Variants in ESRRG observed in about 807,000 individuals in gnomAD.
ESRRG encodes estrogen related receptor gamma.
ESRRG carries 13 observed loss-of-function variants against 44.0 expected under a neutral mutation model. The ratio of observed to expected loss-of-function variants is 0.30; its 90% CI spans 0.19 to 0.47. The LOEUF is 0.47. ESRRG is among the 20% of genes least tolerant of loss of function. The probability of loss-of-function intolerance (pLI) is 1.00; values close to 1 mark genes in which losing one functional copy is unlikely to be tolerated. For missense variants in ESRRG, 395 were observed against 580.6 expected (o/e 0.68, Z 3.29); for synonymous variants, 215 against 214.6 (o/e 1.00, Z -0.02).
intron 3 of ESRRG, among the ~76,000 whole-genome samples, chr1:216,648,360 G>A (rs959551183): frequency 3.3e-5 from 5 of 152,118 alleles, no homozygotes; most frequent in Admixed American, 6.6e-5. Flanking sequence ...TTTTGCCATC[G>A]AAGTGGGCAT....
intron 2 of ESRRG, among the ~76,000 whole-genome samples, chr1:216,859,269 G>A (rs2096008299): frequency 6.6e-6 from 1 of 152,110 alleles, no homozygotes; most frequent in African/African-American, 2.4e-5. Context: ...AACAAATAAG[G>A]TAAGACCTAT....
chr1:216,949,772 C>A (rs1450344891), intron 1 of ESRRG, among the ~76,000 whole-genome samples: 1 of 151,282 alleles, frequency 6.6e-6, no homozygotes, highest in Non-Finnish European at 1.5e-5. Flanking sequence ...TGATTATTCT[C>A]TTTTACTAGT....
intron 2 of ESRRG, among the ~76,000 whole-genome samples, chr1:216,909,127 C>A (rs2060027215): frequency 6.6e-6 from 1 of 152,090 alleles, no homozygotes; most frequent in Non-Finnish European, 1.5e-5. Flanking sequence ...GAAAATGAGA[C>A]CCAATGGTGT....
intron 1 of ESRRG, among the ~76,000 whole-genome samples, chr1:217,018,536 C>T (rs2079790425): frequency 6.6e-6 from 1 of 152,126 alleles, no homozygotes; most frequent in African/African-American, 2.4e-5. Flanking sequence ...CCTCATTTTG[C>T]TGCTCAGCTC....
At chr1:216,523,789 T>C (rs902338796) in intron 5 of ESRRG, among the ~76,000 whole-genome samples, 1 of 151,614 alleles carries the variant, frequency 6.6e-6, no homozygotes, top group Non-Finnish European at 1.5e-5. Context: ...TAATATCAGT[T>C]AATCATGGCA....
At chr1:216,702,608 CAAAAAAAA>C (rs61361041) in intron 1 of ESRRG, among the ~76,000 whole-genome samples, 1 of 132,352 alleles carries the variant, frequency 7.6e-6, no homozygotes, top group Non-Finnish European at 1.6e-5. Context: ...ACTAAAAATA[CAAAAAAAA>C]AAAAAAGAAA....
chr1:216,649,636 A>G (rs1477487359), intron 3 of ESRRG, among the ~76,000 whole-genome samples: 1 of 152,096 alleles, frequency 6.6e-6, no homozygotes, highest in Non-Finnish European at 1.5e-5. Context: ...ATAAAACTTT[A>G]TTATAACATT....
intron 1 of ESRRG, among the ~76,000 whole-genome samples, chr1:216,947,743 C>G (rs1192494044): frequency 6.6e-6 from 1 of 152,152 alleles, no homozygotes; most frequent in Non-Finnish European, 1.5e-5. Flanking sequence ...CCATCTTTTT[C>G]TCCTCCTTTC....
chr1:216,856,352 A>AACACAC (rs5780935), intron 2 of ESRRG, among the ~76,000 whole-genome samples: 3,510 of 141,946 alleles, frequency 0.025, 56 homozygotes, highest in Middle Eastern at 0.04. Context: ...TTCTCTCTTC[A>AACACAC]ACACACACAC....
chr1:216,999,198 A>C (rs2076721260), intron 1 of ESRRG, among the ~76,000 whole-genome samples: 1 of 152,184 alleles, frequency 6.6e-6, no homozygotes, highest in African/African-American at 2.4e-5. Flanking sequence ...AAGGAGGACT[A>C]GGGGAAGACA....
chr1:216,805,114 G>GT (rs2094746489), intron 2 of ESRRG: 1 of 152,184 alleles, frequency 6.6e-6, no homozygotes, highest in South Asian at 2.1e-4. Flanking sequence ...TTTGAATCGA[G>GT]ATGTGGTGGC....
At chr1:216,675,304 G>A (rs1230021784) in intron 2 of ESRRG, among the ~76,000 whole-genome samples, 5 of 151,898 alleles carry the variant, frequency 3.3e-5, no homozygotes, top group Admixed American at 3.3e-4. Context: ...AGGTTGCAGT[G>A]AGCCGAGATC....
chr1:216,970,836 A>G (rs1057012894), intron 1 of ESRRG, among the ~76,000 whole-genome samples: 4 of 152,212 alleles, frequency 2.6e-5, no homozygotes, highest in Non-Finnish European at 5.9e-5. Flanking sequence ...AAAATTGTGG[A>G]TTCCAAACCT....
At chr1:217,084,335 A>G (rs2091950026) in intron 1 of ESRRG, among the ~76,000 whole-genome samples, 1 of 152,192 alleles carries the variant, frequency 6.6e-6, no homozygotes. Context: ...AATGTTAGTT[A>G]TTCTTGTTGT....
intron 1 of ESRRG, among the ~76,000 whole-genome samples, chr1:217,085,515 G>T (rs1456335145): frequency 1.2e-5 from 1 of 85,602 alleles, no homozygotes; most frequent in Non-Finnish European, 2.0e-5. Flanking sequence ...TTTTTTAGAC[G>T]AAGTCTCACT....
At chr1:216,941,942 G>A (rs892920954) in intron 1 of ESRRG, among the ~76,000 whole-genome samples, 1 of 152,032 alleles carries the variant, frequency 6.6e-6, no homozygotes, top group East Asian at 1.9e-4. Flanking sequence ...GATTCAGGGG[G>A]TGCATGTGTA....
chr1:216,712,684 A>C (rs2083886757), intron 1 of ESRRG, among the ~76,000 whole-genome samples: 1 of 152,174 alleles, frequency 6.6e-6, no homozygotes, highest in Admixed American at 6.5e-5. Context: ...TTTCCGTTGA[A>C]TCTTAAACCA....
At chr1:216,621,497 T>C (rs1478106634) in intron 3 of ESRRG, among the ~76,000 whole-genome samples, 2 of 152,184 alleles carry the variant, frequency 1.3e-5, no homozygotes, top group Non-Finnish European at 2.9e-5. Context: ...TATGTGATGG[T>C]AAAGCCACGC....
intron 2 of ESRRG, among the ~76,000 whole-genome samples, chr1:216,667,711 A>G (rs1378284972): frequency 7.1e-6 from 1 of 140,558 alleles, no homozygotes; most frequent in Non-Finnish European, 1.6e-5. Context: ...AAAAAAAAAG[A>G]TAGAACGAAG....
Sources: gnomAD v4.1 joint callset for allele counts (sites outside exome capture counted in the v4.1 genomes callset) on GRCh38, gnomAD v4.1.1 for gene constraint, MANE v1.5 for transcripts, NCBI Gene and HGNC (gene_info 2026-07-23, HGNC 2026-07-21) for gene names.